ZAP70: variants seen among roughly 807,000 people sequenced by gnomAD.
ZAP70 encodes zeta chain of T cell receptor associated protein kinase 70.
In ZAP70, 27 loss-of-function variants were observed where a neutral mutation model predicts 65.8. The observed-to-expected ratio is 0.41, with a 90% CI of 0.30 to 0.57. The LOEUF is 0.57. Among genes scored for constraint, ZAP70 ranks in the 20% least tolerant of loss-of-function variants. The pLI is 0.28. For missense variants in ZAP70, 696 were observed against 870.5 expected, an observed-to-expected ratio of 0.80 and a Z score of 2.52; for synonymous variants, 363 against 360.8, an observed-to-expected ratio of 1.01 and a Z score of -0.07.
Position 97,736,871 on chromosome 2 carries a change from T to C in ZAP70, c.1290-602T>C, listed in dbSNP as rs755813119. On this transcript the variant is annotated intron_variant, in intron 10 of 13. Transcript: ENST00000264972. The surrounding 1 kb of genome is among the most constrained non-coding windows in gnomAD (Gnocchi z 4.0). Reference sequence around the variant, plus strand: ...GTTGGGTGGGAGCTAGGGGGTGCTGTGAGCAGAGGAGGGGGAGGACCTGAC... The same window carrying C: ...GTTGGGTGGGAGCTAGGGGGTGCTGCGAGCAGAGGAGGGGGAGGACCTGAC... Among the ~76,000 whole-genome samples the C allele has an allele frequency of 6.6e-6, 1 of 151,226 alleles. No individual in the cohort carries two copies. Among genetic ancestry groups the C allele is most frequent in the Non-Finnish European group, 1.5e-5 (1 of 67,750 alleles).
chr2:97,714,644 A>T (rs1055456484), intron 2 of ZAP70, among the ~76,000 whole-genome samples: 1 of 152,152 alleles, frequency 6.6e-6, no homozygotes, highest in African/African-American at 2.4e-5. Flanking sequence ...AGCATCCCCG[A>T]CAGGAAGGAA....
chr2:97,743,547 G>C (rs1360123425), downstream of ZAP70, among the ~76,000 whole-genome samples: 2 of 152,156 alleles, frequency 1.3e-5, no homozygotes. Context: ...TATTGGTCAG[G>C]CTGGTCTTGA....
intron 4 of ZAP70, among the ~76,000 whole-genome samples, chr2:97,732,343 G>A (rs1371549212): frequency 6.6e-6 from 1 of 152,184 alleles, no homozygotes; most frequent in Non-Finnish European, 1.5e-5. Flanking sequence ...GTGTGGGTCT[G>A]TGTGGAAAAG....
At chr2:97,741,549 G>T (rs1026092112), downstream of ZAP70, among the ~76,000 whole-genome samples, 1 of 151,494 alleles carries the variant, frequency 6.6e-6, no homozygotes, top group Non-Finnish European at 1.5e-5. Context: ...GTTCCCTCCC[G>T]GGTGATGTCC....
intron 13 of ZAP70, among the ~76,000 whole-genome samples, 189 bp from the exon 14 acceptor site, chr2:97,739,186 G>A (rs1678037416): frequency 6.6e-6 from 1 of 151,942 alleles, no homozygotes; most frequent in Non-Finnish European, 1.5e-5. Context: ...CTTAGGCTGT[G>A]TGGCATTGCC....
Position 97,739,405 on chromosome 2 carries a change from G to T in ZAP70, c.1767G>T (p.Val589=). 6.2e-7 allele frequency: 1 copy of T among 1,613,638 alleles called. No individual in the cohort carries two copies. The highest frequency in any genetic ancestry group is 8.5e-7 in the Non-Finnish European group (1 of 1,179,928). The change falls in exon 14 of 14, where the codon GTG becomes GTT. Residue 589 remains valine (V), a synonymous_variant. Coordinates refer to ENST00000264972, the MANE Select transcript of ZAP70 (RefSeq NM_001079.4). ...AGGATCGCCCCGACTTCCTGACCGT[G>T]GAGCAGCGCATGCGAGCCTGTTACT... is the stretch of plus-strand genomic sequence containing the variant. The part of the protein sequence containing the change: ...KWEDRPDFLT[V]EQRMRACYYS...
At chr2:97,753,628 T>TA in the ZAP70 span, among the ~76,000 whole-genome samples, 4 of 152,100 alleles carry the variant, frequency 2.6e-5, no homozygotes, top group African/African-American at 4.8e-5. Context: ...ACAGTTTAGG[T>TA]AAAAAAACAT....
chr2:97,747,823 T>TG, the ZAP70 span, among the ~76,000 whole-genome samples: 1 of 124,688 alleles, frequency 8.0e-6, no homozygotes, highest in Non-Finnish European at 1.7e-5. Context: ...AGGTTTTTTT[T>TG]TTTTTTTTTT....
At position 97,737,330 on chromosome 2, in the gene ZAP70, C is replaced by A; in HGVS notation, c.1290-143C>A. On this transcript the variant is annotated intron_variant, in intron 10 of 13. Coordinates refer to ENST00000264972, the MANE Select transcript of ZAP70 (RefSeq NM_001079.4). This position sits in a 1 kb window ranked among gnomAD's most constrained non-coding sequence, Gnocchi z 5.0. ...TCACTGCTGTGTCCCCAGCCCCACGCCTGGCACACAGCAGGTGCTCAATAA... is the reference window on the plus strand; with the variant it reads ...TCACTGCTGTGTCCCCAGCCCCACGACTGGCACACAGCAGGTGCTCAATAA... 1 of 825,306 alleles carries A rather than the reference C, an allele frequency of 1.2e-6. No individual in the cohort carries two copies. The highest frequency in any genetic ancestry group is 2.0e-6 in the Non-Finnish European group (1 of 499,572). The allele number at this position is 825,306 out of a possible 1,614,324, so 51.1% of individuals were successfully genotyped here. A position where few individuals can be genotyped will look rare whatever the true frequency, so the allele number is the denominator to read the frequency against.
intron 2 of ZAP70, among the ~76,000 whole-genome samples, chr2:97,721,827 C>A (rs1481627990): frequency 6.6e-6 from 1 of 151,576 alleles, no homozygotes; most frequent in African/African-American, 2.4e-5. Flanking sequence ...GTCGCCCCAG[C>A]TGGAGTGCAG....
the ZAP70 span, among the ~76,000 whole-genome samples, chr2:97,755,639 T>C: frequency 3.9e-5 from 6 of 152,250 alleles, no homozygotes; most frequent in Non-Finnish European, 7.3e-5. Flanking sequence ...AAAGGGGCAC[T>C]GCATGCTGTG....
At chr2:97,729,894 G>A (rs777136971) in intron 4 of ZAP70, among the ~76,000 whole-genome samples, 53 of 152,134 alleles carry the variant, frequency 3.5e-4, no homozygotes, top group Non-Finnish European at 6.6e-4. Context: ...GTGTAACAAT[G>A]TGCTGTATTC....
Position 97,724,117 on chromosome 2 carries a change from G to T in ZAP70, c.81G>T (p.Ala27=). The T allele has an allele frequency of 6.4e-7, 1 of 1,567,754 alleles. No homozygotes were observed. Reference sequence around the variant, plus strand: ...AGGCCGAGGAGCACCTGAAGCTGGCGGGCATGGCGGACGGGCTCTTCCTGC... The same window carrying T: ...AGGCCGAGGAGCACCTGAAGCTGGCTGGCATGGCGGACGGGCTCTTCCTGC... ...RAEAEEHLKL[A]GMADGLFLLR... The change falls in exon 3 of 14, where the codon GCG becomes GCT. Residue 27 remains alanine, a synonymous_variant. Coordinates refer to ENST00000264972, the MANE Select transcript of ZAP70 (RefSeq NM_001079.4).
chr2:97,746,356 A>T, the ZAP70 span, among the ~76,000 whole-genome samples: 8 of 152,186 alleles, frequency 5.3e-5, no homozygotes, highest in Admixed American at 2.0e-4. Context: ...AAAATAGCTT[A>T]AAAAAACCCA....
At chr2:97,735,836 ACC>A (rs1326903993) in intron 10 of ZAP70, among the ~76,000 whole-genome samples, 1 of 152,030 alleles carries the variant, frequency 6.6e-6, no homozygotes, top group African/African-American at 2.4e-5. Flanking sequence ...ACATGGTGAA[ACC>A]CCGTCCTTAC....
intron 2 of ZAP70, among the ~76,000 whole-genome samples, chr2:97,716,175 G>A (rs1462423698): frequency 6.6e-6 from 1 of 152,150 alleles, no homozygotes; most frequent in East Asian, 1.9e-4. Flanking sequence ...ATAGCCTGTG[G>A]CCAGGATCCT....
At chr2:97,751,402 C>T in the ZAP70 span, among the ~76,000 whole-genome samples, 2 of 152,138 alleles carry the variant, frequency 1.3e-5, no homozygotes, top group African/African-American at 2.4e-5. Context: ...TATACAGTGG[C>T]ATGTTATGAA....
At chr2:97,724,644 G>A (rs1559320565) in intron 3 of ZAP70, 3 of 1,531,786 alleles carry the variant, frequency 2.0e-6, no homozygotes, top group Non-Finnish European at 8.7e-7. Flanking sequence ...CCTTCCGCAG[G>A]CTGAGCGATG....
intron 2 of ZAP70, among the ~76,000 whole-genome samples, chr2:97,722,546 A>G (rs1677203388): frequency 2.0e-5 from 3 of 152,234 alleles, no homozygotes; most frequent in South Asian, 4.1e-4. Flanking sequence ...GCTGTTGGCT[A>G]AGAGTTCAAT....
Sources: allele counts gnomAD v4.1 joint callset (sites outside exome capture counted in the v4.1 genomes callset), GRCh38; gene constraint gnomAD v4.1.1; non-coding constraint Gnocchi (gnomAD v3.1); transcripts MANE v1.5; gene names NCBI Gene and HGNC (gene_info 2026-07-23, HGNC 2026-07-21).